MAD1L1: variants seen among roughly 807,000 people sequenced by gnomAD.
MAD1L1 encodes the protein mitotic spindle assembly checkpoint protein MAD1.
Under a neutral mutation model 96.9 loss-of-function variants are expected in MAD1L1, and 95 were observed. The observed-to-expected ratio is 0.98, with a 90% CI of 0.83 to 1.16. The LOEUF (loss-of-function observed/expected upper bound fraction) is 1.16. Ranked by LOEUF, MAD1L1 falls within the 50% of genes most tolerant of loss-of-function variation. The pLI is 0.00. For missense variants in MAD1L1, 1,007 were observed against 954.4 expected (o/e 1.06, Z -0.73); for synonymous variants, 473 against 396.6 (o/e 1.19, Z -2.29).
At chr7:1,835,629 A>G (rs1782904936) in intron 18 of MAD1L1, among the ~76,000 whole-genome samples, 1 of 152,220 alleles carries the variant, frequency 6.6e-6, no homozygotes, top group Admixed American at 6.5e-5. Context: ...AGGGGTCTCA[A>G]TCTAGACCCC....
At chr7:2,075,690 T>C (rs932294713) in intron 11 of MAD1L1, among the ~76,000 whole-genome samples, 2 of 152,192 alleles carry the variant, frequency 1.3e-5, no homozygotes, top group African/African-American at 2.4e-5. Context: ...GCCACTTTAA[T>C]GTGATCTTCA....
intron 12 of MAD1L1, among the ~76,000 whole-genome samples, chr7:2,030,971 G>A (rs948380594): frequency 1.3e-5 from 2 of 152,152 alleles, no homozygotes; most frequent in Non-Finnish European, 2.9e-5. Flanking sequence ...TATCTTATCT[G>A]ACCAATAAAC....
At position 2,114,683 on chromosome 7, in the gene MAD1L1, C is replaced by G. The variant is rs182915286; in HGVS notation, c.1073+34469G>C. 1.2e-4 allele frequency among the ~76,000 whole-genome samples: 18 copies of G among 152,316 alleles called. No homozygotes were observed. In the East Asian group the frequency reaches 3.5e-3, roughly 29 times the overall value. ...TTGTAAACAACTTTTGTTTTTTTAA[C>G]AAAGTTTTGATGGAGCACAGCCACC... On this transcript the variant is annotated intron_variant, in intron 11 of 18. Transcript: ENST00000265854. The surrounding 1 kb of genome is among the most constrained non-coding windows in gnomAD (Gnocchi z 4.2).
chr7:2,223,927 C>G (rs1793744993), intron 4 of MAD1L1, among the ~76,000 whole-genome samples: 2 of 152,182 alleles, frequency 1.3e-5, no homozygotes, highest in Admixed American at 6.5e-5. Context: ...TCCCATGCAG[C>G]TGTGTCTGCG....
chr7:1,863,632 G>A (rs1201893095), intron 18 of MAD1L1, among the ~76,000 whole-genome samples: 4 of 152,190 alleles, frequency 2.6e-5, no homozygotes. Context: ...CACACCCCAC[G>A]CGCTGGGCTC....
At chr7:2,101,774 T>G (rs957920480) in intron 11 of MAD1L1, among the ~76,000 whole-genome samples, 3 of 152,120 alleles carry the variant, frequency 2.0e-5, no homozygotes, top group African/African-American at 7.2e-5. Flanking sequence ...GTGAACAGCT[T>G]CTATGCTGCT....
intron 18 of MAD1L1, chr7:1,845,264 G>C (rs1360428264): frequency 2.0e-5 from 3 of 152,294 alleles, no homozygotes; most frequent in African/African-American, 7.2e-5. Context: ...GCTCCGGAGG[G>C]AGACTTGATC....
At chr7:2,204,668 G>A (rs925604839) in intron 10 of MAD1L1, among the ~76,000 whole-genome samples, 4 of 152,238 alleles carry the variant, frequency 2.6e-5, no homozygotes, top group Non-Finnish European at 4.4e-5. Flanking sequence ...GAGACGCCAC[G>A]GTCCACGTAT....
chr7:2,203,087 T>G (rs886548627), intron 10 of MAD1L1, among the ~76,000 whole-genome samples: 1 of 151,954 alleles, frequency 6.6e-6, no homozygotes, highest in Non-Finnish European at 1.5e-5. Context: ...AGGCCTGCCC[T>G]TGCTGACGGG....
intron 11 of MAD1L1, among the ~76,000 whole-genome samples, chr7:2,111,804 G>A (rs778651762): frequency 9.9e-5 from 15 of 151,794 alleles, no homozygotes; most frequent in Non-Finnish European, 1.5e-4. Flanking sequence ...CACAGCAAAC[G>A]CACACACCGC....
chr7:2,224,538 A>G (rs1793778211), intron 4 of MAD1L1, among the ~76,000 whole-genome samples: 1 of 152,198 alleles, frequency 6.6e-6, no homozygotes, highest in Non-Finnish European at 1.5e-5. Context: ...TCCAACCAGC[A>G]TCACACCCCG....
Position 2,196,946 on chromosome 7 carries a change from A to C in MAD1L1, c.986+16266T>G, listed in dbSNP as rs1175883297. On this transcript the variant is annotated intron_variant, in intron 10 of 18. Transcript: ENST00000265854. ...GGGTCAGACAGCCCCAGGGACTTCCACCAGCAGGGTCCTGCCAAGGCGCCA... is the reference window on the plus strand; with the variant it reads ...GGGTCAGACAGCCCCAGGGACTTCCCCCAGCAGGGTCCTGCCAAGGCGCCA... 2.0e-5 allele frequency among the ~76,000 whole-genome samples: 3 copies of C among 152,208 alleles called. No individual in the cohort carries two copies. The East Asian group carries it at 5.8e-4, about 29-fold the overall frequency.
intron 18 of MAD1L1, among the ~76,000 whole-genome samples, chr7:1,888,198 G>A (rs1786266429): frequency 6.6e-6 from 1 of 151,666 alleles, no homozygotes; most frequent in African/African-American, 2.4e-5. Context: ...ATGCATGTAT[G>A]TGGCTGCCTG....
At position 2,172,966 on chromosome 7, in the gene MAD1L1, A is replaced by G. The variant is rs149950714; in HGVS notation, c.987-23728T>C. ...CACACATGCCTCTGGCTGAGACTACAGCACCTGCTAGCATGCCCCTGGCAT... is the reference window on the plus strand; with the variant it reads ...CACACATGCCTCTGGCTGAGACTACGGCACCTGCTAGCATGCCCCTGGCAT... On this transcript the variant is annotated intron_variant, in intron 10 of 18. Transcript: ENST00000265854. 2.5e-3 allele frequency among the ~76,000 whole-genome samples: 387 copies of G among 152,336 alleles called. 1 individual carries two copies. The highest frequency in any genetic ancestry group is 8.1e-3 in the South Asian group (39 of 4,832).
At chr7:1,946,683 G>A (rs1447982219) in intron 16 of MAD1L1, among the ~76,000 whole-genome samples, 1 of 152,216 alleles carries the variant, frequency 6.6e-6, no homozygotes, top group African/African-American at 2.4e-5. Flanking sequence ...ATGCTGGGAC[G>A]GGCAGGGCAG....
chr7:2,101,148 C>A (rs1351038806), intron 11 of MAD1L1, among the ~76,000 whole-genome samples: 1 of 152,234 alleles, frequency 6.6e-6, no homozygotes, highest in East Asian at 1.9e-4. Context: ...AATCCTTTGT[C>A]ACAAGGGACT....
chr7:2,133,263 C>T (rs1333896001), intron 11 of MAD1L1, among the ~76,000 whole-genome samples: 1 of 152,026 alleles, frequency 6.6e-6, no homozygotes, highest in African/African-American at 2.4e-5. Context: ...CACGTGTCTG[C>T]TTTGGTGAGG....
intron 10 of MAD1L1, among the ~76,000 whole-genome samples, chr7:2,167,531 A>G (rs949416290): frequency 6.6e-6 from 1 of 151,850 alleles, no homozygotes; most frequent in Admixed American, 6.6e-5. Flanking sequence ...CCTGGGCAAC[A>G]GAGCGAGACT....
Position 1,863,631 on chromosome 7 carries a change from C to T in MAD1L1, c.1998+34569G>A, listed in dbSNP as rs181365087. On this transcript the variant is annotated intron_variant, in intron 18 of 18. Transcript: ENST00000265854. The stretch of plus-strand genomic sequence containing the variant: ...GAGACCGTCACCTGCCCACACCCCA[C>T]GCGCTGGGCTCAGCCTGTGTTCTCA... Among the ~76,000 whole-genome samples, 119 of 152,346 alleles carry T rather than the reference C, an allele frequency of 7.8e-4. 1 individual carries two copies. The highest frequency in any genetic ancestry group is 1.3e-3 in the Non-Finnish European group (88 of 68,024).
Sources: allele counts gnomAD v4.1 joint callset (sites outside exome capture counted in the v4.1 genomes callset), GRCh38; gene constraint gnomAD v4.1.1; non-coding constraint Gnocchi (gnomAD v3.1); transcripts MANE v1.5; gene names NCBI Gene and HGNC (gene_info 2026-07-23, HGNC 2026-07-21).